DPP10: variants seen among roughly 807,000 people sequenced by gnomAD.
DPP10 encodes the protein inactive dipeptidyl peptidase 10.
DPP10 carries 33 observed loss-of-function variants against 120.9 expected under a neutral mutation model. The ratio of observed to expected loss-of-function variants is 0.27; its 90% CI spans 0.21 to 0.37. The LOEUF (loss-of-function observed/expected upper bound fraction) is 0.37, where lower values mean the gene tolerates loss of function less well. Among genes scored for constraint, DPP10 ranks in the 10% least tolerant of loss-of-function variants. The probability of loss-of-function intolerance (pLI) is 1.00; values close to 1 mark genes in which losing one functional copy is unlikely to be tolerated. For synonymous variants in DPP10, 337 were observed against 326.1 expected, an observed-to-expected ratio of 1.03 and a Z score of -0.36; for missense variants, 816 against 942.8, an observed-to-expected ratio of 0.87 and a Z score of 1.76.
intron 5 of DPP10, among the ~76,000 whole-genome samples, chr2:115,538,982 A>G (rs2079029019): frequency 6.6e-6 from 1 of 151,978 alleles, no homozygotes. Context: ...AATTGATTTA[A>G]CCAGTTACTC....
At chr2:114,864,892 C>G (rs1285332023) in intron 1 of DPP10, among the ~76,000 whole-genome samples, 1 of 152,142 alleles carries the variant, frequency 6.6e-6, no homozygotes, top group African/African-American at 2.4e-5. Flanking sequence ...TTCACAGTTT[C>G]CTCTTGGGAA....
intron 1 of DPP10, among the ~76,000 whole-genome samples, chr2:114,548,424 T>C (rs1687601485): frequency 6.6e-6 from 1 of 152,192 alleles, no homozygotes; most frequent in African/African-American, 2.4e-5. Flanking sequence ...CTGACACCTT[T>C]CTGCAGAACA....
At chr2:114,575,401 G>A (rs981680796) in intron 1 of DPP10, among the ~76,000 whole-genome samples, 2 of 152,196 alleles carry the variant, frequency 1.3e-5, no homozygotes, top group Admixed American at 6.5e-5. Flanking sequence ...TCTGGAAGAC[G>A]AGGATGTGGA....
intron 1 of DPP10, among the ~76,000 whole-genome samples, chr2:114,876,845 G>A (rs1000850143): frequency 9.2e-5 from 14 of 152,024 alleles, no homozygotes; most frequent in African/African-American, 2.2e-4. Context: ...GACCCATTGC[G>A]AAATGAAAGT....
At chr2:115,627,408 A>G (rs2085453027) in intron 5 of DPP10, among the ~76,000 whole-genome samples, 1 of 152,162 alleles carries the variant, frequency 6.6e-6, no homozygotes, top group Admixed American at 6.6e-5. Flanking sequence ...TGCACTTGGG[A>G]ACAAAGTGAA....
intron 1 of DPP10, among the ~76,000 whole-genome samples, chr2:115,019,919 T>C (rs923804730): frequency 2.6e-5 from 4 of 152,184 alleles, no homozygotes; most frequent in South Asian, 4.1e-4. Flanking sequence ...GAAACTAAAC[T>C]TCATAAATGA....
At chr2:115,553,083 A>G (rs1328626500) in intron 5 of DPP10, among the ~76,000 whole-genome samples, 1 of 152,142 alleles carries the variant, frequency 6.6e-6, no homozygotes, top group Non-Finnish European at 1.5e-5. Context: ...AAAGGAATTT[A>G]CTATGCTGAA....
chr2:115,071,439 G>A (rs1707359563), intron 1 of DPP10, among the ~76,000 whole-genome samples: 1 of 152,136 alleles, frequency 6.6e-6, no homozygotes, highest in Non-Finnish European at 1.5e-5. Context: ...GAAGAGAGAT[G>A]GGAGCCAAAG....
intron 1 of DPP10, among the ~76,000 whole-genome samples, chr2:114,870,533 G>GACTTTATTCCCATGAAAAA (rs1227950264): frequency 2.1e-5 from 2 of 94,144 alleles, no homozygotes; most frequent in African/African-American, 3.3e-5. Flanking sequence ...GCTACAAAAA[G>GACTTTATTCCCATGAAAAA]TAGTCAGGTA....
At chr2:115,822,196 G>T (rs1323002203) in intron 21 of DPP10, among the ~76,000 whole-genome samples, 1 of 151,952 alleles carries the variant, frequency 6.6e-6, no homozygotes, top group Non-Finnish European at 1.5e-5. Context: ...TGACCATTCA[G>T]ACTGTGCAAC....
At chr2:115,117,188 C>T (rs1445373095) in intron 1 of DPP10, among the ~76,000 whole-genome samples, 1 of 152,070 alleles carries the variant, frequency 6.6e-6, no homozygotes, top group Non-Finnish European at 1.5e-5. Flanking sequence ...AATGTTTGAC[C>T]AGGACAAAGA....
intron 1 of DPP10, among the ~76,000 whole-genome samples, chr2:115,097,393 A>G (rs2048456315): frequency 6.6e-6 from 1 of 152,166 alleles, no homozygotes; most frequent in South Asian, 2.1e-4. Flanking sequence ...GAGATTAGAA[A>G]TATTGATTAT....
intron 3 of DPP10, among the ~76,000 whole-genome samples, chr2:115,498,179 G>A (rs913897584): frequency 7.2e-5 from 11 of 152,012 alleles, no homozygotes; most frequent in African/African-American, 2.7e-4. Flanking sequence ...TGTGATTAAG[G>A]TCAAGAACTA....
At chr2:115,571,768 A>G (rs953908625) in intron 5 of DPP10, among the ~76,000 whole-genome samples, 6 of 151,928 alleles carry the variant, frequency 3.9e-5, no homozygotes, top group Non-Finnish European at 5.9e-5. Context: ...AAATATTAAA[A>G]GAACAAAAAT....
At chr2:115,739,966 G>T in intron 9 of DPP10, 73 bp downstream of exon 9, 1 of 1,512,124 alleles carries the variant, frequency 6.6e-7, no homozygotes, top group Non-Finnish European at 9.1e-7. Context: ...GGTATTCTTG[G>T]TTCTTGAACA....
chr2:115,261,241 T>C (rs1378738991), intron 1 of DPP10, among the ~76,000 whole-genome samples: 1 of 152,196 alleles, frequency 6.6e-6, no homozygotes, highest in African/African-American at 2.4e-5. Context: ...TTGCCACCGG[T>C]TGAAAGTGGT....
intron 1 of DPP10, among the ~76,000 whole-genome samples, chr2:114,734,925 C>T (rs952228898): frequency 1.3e-5 from 2 of 152,122 alleles, no homozygotes; most frequent in South Asian, 4.1e-4. Flanking sequence ...GTTGGCAGGT[C>T]TGGTTTCTTC....
intron 1 of DPP10, among the ~76,000 whole-genome samples, chr2:114,669,854 G>C (rs1421957003): frequency 6.6e-6 from 1 of 151,994 alleles, no homozygotes; most frequent in Non-Finnish European, 1.5e-5. Flanking sequence ...TTCCTAGTCA[G>C]GGACCCCATT....
intron 3 of DPP10, among the ~76,000 whole-genome samples, chr2:115,364,564 C>T (rs1017738946): frequency 6.6e-6 from 1 of 151,300 alleles, no homozygotes; most frequent in Non-Finnish European, 1.5e-5. Flanking sequence ...CAAATTCCTG[C>T]TTTTCCTTAT....
Sources: gnomAD v4.1 joint callset for allele counts (sites outside exome capture counted in the v4.1 genomes callset) on GRCh38, gnomAD v4.1.1 for gene constraint, MANE v1.5 for transcripts, NCBI Gene and HGNC (gene_info 2026-07-23, HGNC 2026-07-21) for gene names.